TET2: variants seen among roughly 807,000 people sequenced by gnomAD.
TET2 encodes the protein methylcytosine dioxygenase TET2.
Under a neutral mutation model 142.9 loss-of-function variants are expected in TET2, and 299 were observed. The ratio of observed to expected loss-of-function variants is 2.09; its 90% CI spans 1.90 to 2.30. The LOEUF is 2.30. Among genes scored for constraint, TET2 ranks in the 30% most tolerant of loss-of-function variants. The pLI is 0.00. For synonymous variants in TET2, 819 were observed against 849.0 expected (o/e 0.96, Z 0.61); for missense variants, 2,418 against 2,378.0 (o/e 1.02, Z -0.35).
intron 10 of TET2, among the ~76,000 whole-genome samples, chr4:105,273,706 T>C (rs1019284313): frequency 6.6e-6 from 1 of 151,968 alleles, no homozygotes; most frequent in Non-Finnish European, 1.5e-5. Flanking sequence ...GAAAATATGA[T>C]TGAGAGAGAG....
At chr4:105,182,551 A>T (rs1483840437) in intron 1 of TET2, among the ~76,000 whole-genome samples, 1 of 152,270 alleles carries the variant, frequency 6.6e-6, no homozygotes, top group Non-Finnish European at 1.5e-5. Flanking sequence ...TGCAGAATGC[A>T]TAGTTTGTTT....
At chr4:105,219,055 CTT>C (rs1257157612) in intron 2 of TET2, among the ~76,000 whole-genome samples, 2 of 151,844 alleles carry the variant, frequency 1.3e-5, no homozygotes, top group South Asian at 4.1e-4. Flanking sequence ...CTGTATTACT[CTT>C]TCTTCTGATA....
chr4:105,204,230 T>TAC (rs1250312543), intron 2 of TET2, among the ~76,000 whole-genome samples: 3 of 100,552 alleles, frequency 3.0e-5, no homozygotes, highest in East Asian at 2.3e-4. Context: ...AAAAAAAAAA[T>TAC]ATATACACAC....
intron 1 of TET2, among the ~76,000 whole-genome samples, chr4:105,173,388 C>A (rs1330673064): frequency 6.6e-6 from 1 of 150,526 alleles, no homozygotes; most frequent in Non-Finnish European, 1.5e-5. Flanking sequence ...ACAAAACTAG[C>A]CCGGCATGGT....
intron 2 of TET2, among the ~76,000 whole-genome samples, chr4:105,194,994 A>C (rs931650379): frequency 1.3e-5 from 2 of 152,108 alleles, no homozygotes; most frequent in Non-Finnish European, 2.9e-5. Context: ...AAGACTGTTG[A>C]CCTTCTTGTG....
chr4:105,237,865 T>A lies in TET2; in HGVS notation c.3409+514T>A. On this transcript the variant is annotated intron_variant, in intron 3 of 10. Transcript: ENST00000380013. ...GGGGAAATGATAATGCTGACACTCT[T>A]AGTGCTCCTAAAGTTTCCTTTTCTC... is the stretch of plus-strand genomic sequence containing the variant. 20 of 1,069,268 alleles carry A rather than the reference T, an allele frequency of 1.9e-5. No homozygotes were observed. In the South Asian group the frequency reaches 7.0e-4, roughly 37 times the overall value. 66.2% of individuals were successfully genotyped at this position (1,069,268 alleles called of 1,614,324 possible). A position where few individuals can be genotyped will look rare whatever the true frequency, so the allele number is the denominator to read the frequency against.
At chr4:105,241,273 G>C in intron 3 of TET2, 66 bp from the exon 4 acceptor site, 1 of 1,461,680 alleles carries the variant, frequency 6.8e-7, no homozygotes, top group Non-Finnish European at 9.0e-7. Flanking sequence ...GTTAAGCTTT[G>C]TGGATGTAGC....
rs1410064076 is a variant in TET2, at chr4:105,244,584, ATGTTTTTTT to A, written c.3803+808_3803+816del. On this transcript the variant is annotated intron_variant, in intron 6 of 10. Transcript: ENST00000380013. The stretch of plus-strand genomic sequence containing the variant: ...TGAATGTTCACGGTGCTACACAGAA[ATGTTTTTTT>A]TTTTTTTTTTTTTTTTTTTGAGATG... 1.4e-3 allele frequency among the ~76,000 whole-genome samples: 168 copies of A among 116,768 alleles called. 5 individuals are homozygous for A. Among genetic ancestry groups the A allele is most frequent in the South Asian group, 1.4e-3 (5 of 3,690 alleles). 76.6% of individuals were successfully genotyped at this position (116,768 alleles called of 152,430 possible). A position where few individuals can be genotyped will look rare whatever the true frequency, so the allele number is the denominator to read the frequency against.
chr4:105,253,777 A>G (rs1290752131), intron 6 of TET2, among the ~76,000 whole-genome samples: 1 of 152,010 alleles, frequency 6.6e-6, no homozygotes, highest in Admixed American at 6.6e-5. Flanking sequence ...GATATTCTTT[A>G]TTTACATTAA....
chr4:105,273,148 G>A (rs936577832), intron 10 of TET2, among the ~76,000 whole-genome samples: 1 of 152,152 alleles, frequency 6.6e-6, no homozygotes, highest in Non-Finnish European at 1.5e-5. Context: ...ATAGGCGCCA[G>A]TGTGTGTTGT....
At chr4:105,181,353 C>T (rs1725111831) in intron 1 of TET2, among the ~76,000 whole-genome samples, 1 of 152,114 alleles carries the variant, frequency 6.6e-6, no homozygotes, top group South Asian at 2.1e-4. Context: ...GAATGTATGT[C>T]AAAGCACCAC....
chr4:105,242,571 A>C lies in TET2; in HGVS notation c.3501-263A>C, dbSNP rs564574222. The C allele has an allele frequency of 5.2e-4, 629 of 1,202,856 alleles. 1 individual carries two copies. The highest frequency in any genetic ancestry group is 1.3e-3 in the Middle Eastern group (4 of 2,986). The allele number at this position is 1,202,856 out of a possible 1,614,324, so 74.5% of individuals were successfully genotyped here. On this transcript the variant is annotated intron_variant, in intron 4 of 10. Coordinates refer to ENST00000380013, the MANE Select transcript of TET2 (RefSeq NM_001127208.3). Reference sequence around the variant, plus strand: ...TGTGCTTTGTGAAATTTTATATCGAAATGAGCTTTCCCATTTTCACCCACA... The same window carrying C: ...TGTGCTTTGTGAAATTTTATATCGACATGAGCTTTCCCATTTTCACCCACA...
intron 2 of TET2, among the ~76,000 whole-genome samples, chr4:105,230,727 A>G (rs1432467171): frequency 6.6e-6 from 1 of 152,138 alleles, no homozygotes; most frequent in African/African-American, 2.4e-5. Context: ...GTTTTATACA[A>G]CTTTTAACTC....
At chr4:105,223,288 T>C (rs1727959735) in intron 2 of TET2, among the ~76,000 whole-genome samples, 1 of 152,206 alleles carries the variant, frequency 6.6e-6, no homozygotes, top group Non-Finnish European at 1.5e-5. Flanking sequence ...AACATGTGGC[T>C]TGCTTACATT....
chr4:105,214,937 A>C (rs1405727953), intron 2 of TET2, among the ~76,000 whole-genome samples: 1 of 152,046 alleles, frequency 6.6e-6, no homozygotes, highest in African/African-American at 2.4e-5. Flanking sequence ...GGGAACCCCA[A>C]CTCGAAGCTG....
rs116519313 is a variant in TET2, at chr4:105,276,128, T to C, written c.5618T>C (p.Ile1873Thr). Residue 1873 changes from isoleucine (I) to threonine (T), a missense_variant, in exon 11 of 11, where the codon ATT becomes ACT. Ile to Thr is a moderately conservative substitution (Grantham distance 89). Transcript: ENST00000380013. ...AVAPTHGSIL[I>T]ECAKRELHAT... ...GCTCCAACTCATGGGTCAATTCTCATTGAGTGTGCAAAGCGTGAGCTGCAT... is the reference window on the plus strand; with the variant it reads ...GCTCCAACTCATGGGTCAATTCTCACTGAGTGTGCAAAGCGTGAGCTGCAT... 2.8e-5 allele frequency: 44 copies of C among 1,551,392 alleles called. No homozygotes were observed. Among genetic ancestry groups the C allele is most frequent in the Non-Finnish European group, 3.2e-5 (37 of 1,146,840 alleles).
At chr4:105,164,976 A>T (rs1724077377) in intron 1 of TET2, among the ~76,000 whole-genome samples, 1 of 152,082 alleles carries the variant, frequency 6.6e-6, no homozygotes. Flanking sequence ...AAATGATAGC[A>T]GGCATGATTT....
chr4:105,211,348 A>G (rs890312621), intron 2 of TET2, among the ~76,000 whole-genome samples: 1 of 152,200 alleles, frequency 6.6e-6, no homozygotes, highest in African/African-American at 2.4e-5. Context: ...TTGTTTGTCT[A>G]GATAAACTTC....
At chr4:105,264,117 T>TC (rs1730576636) in intron 8 of TET2, among the ~76,000 whole-genome samples, 3 of 151,764 alleles carry the variant, frequency 2.0e-5, no homozygotes, top group Non-Finnish European at 4.4e-5. Flanking sequence ...TTTTTTTTTT[T>TC]GGTTCGAACA....
Sources: gnomAD v4.1 joint callset for allele counts (sites outside exome capture counted in the v4.1 genomes callset) on GRCh38, gnomAD v4.1.1 for gene constraint, MANE v1.5 for transcripts, NCBI Gene and HGNC (gene_info 2026-07-23, HGNC 2026-07-21) for gene names.